The following SIK3 variants were observed in gnomAD, a reference collection of about 807,000 sequenced individuals.
SIK3 encodes serine/threonine-protein kinase SIK3.
SIK3 carries 28 observed loss-of-function variants against 144.2 expected under a neutral mutation model. That is an observed-to-expected ratio of 0.19 (90% CI 0.14 to 0.27). The LOEUF (loss-of-function observed/expected upper bound fraction) is 0.27. Among genes scored for constraint, SIK3 ranks in the 10% least tolerant of loss-of-function variants. The pLI is 1.00. For missense variants in SIK3, 1,319 were observed against 1,776.0 expected, an observed-to-expected ratio of 0.74 and a Z score of 4.62; for synonymous variants, 686 against 676.3, an observed-to-expected ratio of 1.01 and a Z score of -0.22.
At chr11:116,910,848 TA>T (rs1362010027) in intron 4 of SIK3, among the ~76,000 whole-genome samples, 1 of 152,048 alleles carries the variant, frequency 6.6e-6, no homozygotes, top group Non-Finnish European at 1.5e-5. Flanking sequence ...CACAGAAACT[TA>T]AGGCAAAGAA....
rs1245851018 is a variant in SIK3, at chr11:116,847,601, A to G, written c.3827T>C (p.Leu1276Pro). Residue 1276 changes from leucine to proline, a missense_variant, in exon 23 of 25, where the codon CTG becomes CCG. By Grantham distance (98) the Leu-to-Pro change is moderately conservative (BLOSUM62 -3). Around this residue, in one of 8 missense-constraint regions of SIK3, gnomAD observed 646 missense variants for 763.7 expected, o/e 0.85. Transcript: ENST00000445177. ...GAGACTCATTCCTGGCAAGTTATCC[A>G]GCTGTACCTGCAGAAAACAGTTAAG... ...IQNSDDAYVQ[L>P]DNLPGMSLVA... is the part of the protein sequence containing the mutation. 1 of 1,614,204 alleles carries G rather than the reference A, an allele frequency of 6.2e-7. No individual in the cohort carries two copies. The highest frequency in any genetic ancestry group is 8.5e-7 in the Non-Finnish European group (1 of 1,180,040).
intron 3 of SIK3, among the ~76,000 whole-genome samples, chr11:116,938,935 A>C (rs994881583): frequency 2.6e-5 from 4 of 152,152 alleles, no homozygotes; most frequent in Admixed American, 6.5e-5. Flanking sequence ...CAAAATAGAA[A>C]ACCAACTTCC....
intron 1 of SIK3, among the ~76,000 whole-genome samples, chr11:116,968,229 A>G (rs1591446686): frequency 6.6e-6 from 1 of 151,900 alleles, no homozygotes; most frequent in Non-Finnish European, 1.5e-5. Context: ...TGCAACCTCC[A>G]CCTCCTGGGT....
intron 1 of SIK3, among the ~76,000 whole-genome samples, chr11:116,982,958 AAAAAAAAAAAAT>A (rs1310951528): frequency 7.9e-5 from 12 of 150,944 alleles, no homozygotes; most frequent in Admixed American, 5.3e-4. Context: ...AAAAAAAAAA[AAAAAAAAAAAAT>A]TTCTGACCCG....
chr11:117,075,682 C>T (rs1954484477), intron 1 of SIK3, among the ~76,000 whole-genome samples: 1 of 150,642 alleles, frequency 6.6e-6, no homozygotes, highest in Non-Finnish European at 1.5e-5. Flanking sequence ...GCTGGGACTA[C>T]AGGTGCCCGC....
At chr11:117,011,536 G>A (rs558586556) in intron 1 of SIK3, among the ~76,000 whole-genome samples, 16 of 151,556 alleles carry the variant, frequency 1.1e-4, no homozygotes, top group East Asian at 3.9e-4. Flanking sequence ...TTTTTACCCC[G>A]AACCAGAAAT....
At chr11:116,953,290 A>C (rs1248054318) in intron 3 of SIK3, among the ~76,000 whole-genome samples, 2 of 152,222 alleles carry the variant, frequency 1.3e-5, no homozygotes, top group Non-Finnish European at 2.9e-5. Flanking sequence ...AAAATGAGGA[A>C]ATTAGACAAA....
chr11:116,959,411 G>A (rs1949260661), intron 1 of SIK3, among the ~76,000 whole-genome samples: 1 of 152,172 alleles, frequency 6.6e-6, no homozygotes, highest in East Asian at 1.9e-4. Context: ...TGCATGCCAT[G>A]ATGTGCAAAA....
At chr11:117,096,400 G>GA (rs1955471578) in intron 1 of SIK3, among the ~76,000 whole-genome samples, 1 of 152,150 alleles carries the variant, frequency 6.6e-6, no homozygotes, top group Admixed American at 6.5e-5. Flanking sequence ...AGAAAAAAAG[G>GA]AAAGAAATAG....
chr11:117,036,640 C>G (rs190160220), intron 1 of SIK3, among the ~76,000 whole-genome samples: 375 of 152,342 alleles, frequency 2.5e-3, no homozygotes, highest in Admixed American at 6.0e-3. Flanking sequence ...TATTCTATCA[C>G]AGTCAACTTG....
chr11:116,957,095 T>G lies in SIK3; in HGVS notation c.274-31A>C, dbSNP rs117233308. The stretch of plus-strand genomic sequence containing the variant: ...AACAGAGGGAAAAAAATTACTCTGA[T>G]GCATTATTAAAAGCAGTTTACTAAG... On this transcript the variant is annotated intron_variant, in intron 1 of 24. Transcript: ENST00000445177. 101 of 1,319,084 alleles carry G rather than the reference T, an allele frequency of 7.7e-5. No homozygotes were observed. In the East Asian group the frequency reaches 2.2e-3, roughly 29 times the overall value. 81.7% of individuals were successfully genotyped at this position (1,319,084 alleles called of 1,614,324 possible).
chr11:116,924,916 C>G (rs2135110233), intron 4 of SIK3, among the ~76,000 whole-genome samples: 1 of 152,250 alleles, frequency 6.6e-6, no homozygotes, highest in Middle Eastern at 3.4e-3. Flanking sequence ...CCAAATACAT[C>G]TATATCCCAA....
At chr11:116,853,110 C>T (rs1020307885) in intron 21 of SIK3, among the ~76,000 whole-genome samples, 1 of 152,176 alleles carries the variant, frequency 6.6e-6, no homozygotes, top group African/African-American at 2.4e-5. Flanking sequence ...GGTTCCTGAT[C>T]TGAAAAATGA....
At chr11:117,000,497 T>C (rs1410222916) in intron 1 of SIK3, among the ~76,000 whole-genome samples, 2 of 152,180 alleles carry the variant, frequency 1.3e-5, no homozygotes, top group Non-Finnish European at 2.9e-5. Context: ...AATAATAAAA[T>C]AAGGGGAATA....
intron 1 of SIK3, among the ~76,000 whole-genome samples, chr11:116,986,343 G>C (rs959817695): frequency 2.0e-5 from 3 of 152,138 alleles, no homozygotes; most frequent in Non-Finnish European, 4.4e-5. Flanking sequence ...ATAAAATGTA[G>C]CTGGCATAGA....
intron 1 of SIK3, among the ~76,000 whole-genome samples, chr11:117,079,765 T>C (rs746937653): frequency 1.3e-5 from 2 of 152,014 alleles, no homozygotes; most frequent in African/African-American, 2.4e-5. Context: ...AAAATCTGAC[T>C]ATAAAAATAA....
chr11:116,976,729 T>G (rs1949960407), intron 1 of SIK3, among the ~76,000 whole-genome samples: 1 of 152,248 alleles, frequency 6.6e-6, no homozygotes, highest in African/African-American at 2.4e-5. Flanking sequence ...TTGTGGTGTT[T>G]TAGTAACTGT....
intron 1 of SIK3, among the ~76,000 whole-genome samples, chr11:116,997,421 A>G (rs11216221): frequency 0.073 from 11,044 of 152,238 alleles, 493 homozygotes; most frequent in Middle Eastern, 0.11. Flanking sequence ...CACTAAATGC[A>G]TATCTACATC....
chr11:117,026,398 G>A (rs1952011222), intron 1 of SIK3, among the ~76,000 whole-genome samples: 1 of 152,094 alleles, frequency 6.6e-6, no homozygotes, highest in Non-Finnish European at 1.5e-5. Flanking sequence ...CCATCGCTAA[G>A]CAGTGCGTGA....
Sources: gnomAD v4.1 joint callset for allele counts (sites outside exome capture counted in the v4.1 genomes callset) on GRCh38, gnomAD v4.1.1 for gene constraint, gnomAD v4.1.1 regional missense constraint, MANE v1.5 for transcripts, NCBI Gene and HGNC (gene_info 2026-07-23, HGNC 2026-07-21) for gene names.